Variants in TAB2 observed in about 807,000 individuals in gnomAD.
The protein encoded by TAB2 is TGF-beta-activated kinase 1 and MAP3K7-binding protein 2.
TAB2 carries 3 observed loss-of-function variants against 65.0 expected under a neutral mutation model. That is an observed-to-expected ratio of 0.05 (90% CI 0.02 to 0.12). The LOEUF is 0.12. TAB2 is among the 10% of genes least tolerant of loss of function. The pLI is 1.00. For missense variants in TAB2, 623 were observed against 840.3 expected (o/e 0.74, Z 3.20); for synonymous variants, 298 against 285.1 (o/e 1.05, Z -0.46).
At chr6:149,400,939 A>G (rs1010019502) in intron 6 of TAB2, 2 of 438,750 alleles carry the variant, frequency 4.6e-6, no homozygotes, top group African/African-American at 4.0e-5. Context: ...ACAGGATGGG[A>G]AAAAATACTG....
At chr6:149,240,518 T>G (rs1777578033) in intron 1 of TAB2, among the ~76,000 whole-genome samples, 1 of 152,228 alleles carries the variant, frequency 6.6e-6, no homozygotes, top group South Asian at 2.1e-4. Flanking sequence ...TGGATCAGAA[T>G]GTTCTGTAAA....
chr6:149,272,360 G>A (rs1271009445), intron 1 of TAB2, among the ~76,000 whole-genome samples: 1 of 152,178 alleles, frequency 6.6e-6, no homozygotes, highest in Non-Finnish European at 1.5e-5. Flanking sequence ...CAGTTCTGGA[G>A]GTCAGAAGTC....
chr6:149,354,833 A>G (rs1304174957), intron 1 of TAB2, among the ~76,000 whole-genome samples: 1 of 152,170 alleles, frequency 6.6e-6, no homozygotes, highest in Non-Finnish European at 1.5e-5. Context: ...GAATGACCAT[A>G]GTTTACACAT....
chr6:149,217,955 AG>A (rs1777057984), upstream of TAB2: 3 of 152,100 alleles, frequency 2.0e-5, no homozygotes, highest in South Asian at 6.2e-4. Context: ...TTAAGTATGG[AG>A]GCAAAAGCTG....
chr6:149,291,265 G>A (rs899413346), intron 1 of TAB2: 1 of 152,214 alleles, frequency 6.6e-6, no homozygotes, highest in African/African-American at 2.4e-5. Flanking sequence ...ACTACAACAT[G>A]AAAGAGTTCA....
In TAB2 at chr6:149,396,894, A is replaced by C. The variant is rs543203326; in HGVS notation, c.1604-710A>C. 4.5e-4 allele frequency among the ~76,000 whole-genome samples: 69 copies of C among 152,364 alleles called. No homozygotes were observed. In the Middle Eastern group the frequency reaches 0.014, roughly 30 times the overall value. Reference sequence around the variant, plus strand: ...TTCTACATTCCCTTCTAAAATATCTATAACATTTTCATATTAGAATGCTTC... The same window carrying C: ...TTCTACATTCCCTTCTAAAATATCTCTAACATTTTCATATTAGAATGCTTC... On this transcript the variant is annotated intron_variant, in intron 3 of 6. Coordinates refer to ENST00000637181, the MANE Select transcript of TAB2 (RefSeq NM_001292034.3).
rs1778721051 is a variant in TAB2, at chr6:149,288,734, T to C, written c.-121+69958T>C. 2.0e-5 allele frequency among the ~76,000 whole-genome samples: 3 copies of C among 152,216 alleles called. 1 individual carries two copies. In the South Asian group the frequency reaches 6.2e-4, roughly 32 times the overall value. On this transcript the variant is annotated intron_variant, in intron 1 of 1. Transcript: ENST00000606202. ...TATAATCATATTCTGCTGAGTCACTTGAACTAACATTAGTTCTTTGTAAGA... is the reference window on the plus strand; with the variant it reads ...TATAATCATATTCTGCTGAGTCACTCGAACTAACATTAGTTCTTTGTAAGA...
chr6:149,229,049 A>G (rs1305540856), intron 1 of TAB2, among the ~76,000 whole-genome samples: 2 of 152,252 alleles, frequency 1.3e-5, no homozygotes, highest in African/African-American at 4.8e-5. Flanking sequence ...AAAGAGTGAC[A>G]CTCACAATAA....
chr6:149,308,650 TC>T (rs1323773241), intron 1 of TAB2, among the ~76,000 whole-genome samples: 4 of 152,032 alleles, frequency 2.6e-5, no homozygotes, highest in African/African-American at 7.2e-5. Flanking sequence ...TGCCTCAGCC[TC>T]CCGAGTAGCT....
intron 1 of TAB2, among the ~76,000 whole-genome samples, chr6:149,297,779 C>A (rs1220258990): frequency 6.6e-6 from 1 of 152,098 alleles, no homozygotes; most frequent in Non-Finnish European, 1.5e-5. Context: ...GTGGTCCTCC[C>A]ACCTCAGCCT....
upstream of TAB2, among the ~76,000 whole-genome samples, chr6:149,314,182 T>A (rs1008062334): frequency 3.3e-5 from 5 of 152,252 alleles, no homozygotes; most frequent in African/African-American, 1.2e-4. Context: ...GACCACACTA[T>A]ATTAACTCTT....
intron 2 of TAB2, among the ~76,000 whole-genome samples, chr6:149,374,215 G>A (rs1781326980): frequency 6.6e-6 from 1 of 152,170 alleles, no homozygotes; most frequent in Non-Finnish European, 1.5e-5. Context: ...GAATGAAGAT[G>A]AAATCCATTT....
chr6:149,237,641 G>A (rs575411792), intron 1 of TAB2, among the ~76,000 whole-genome samples: 3 of 152,236 alleles, frequency 2.0e-5, no homozygotes, highest in East Asian at 3.9e-4. Context: ...TCCTCTAGGC[G>A]GCCTCACCTC....
At chr6:149,317,045 G>A (rs1455180931), upstream of TAB2, among the ~76,000 whole-genome samples, 1 of 150,196 alleles carries the variant, frequency 6.7e-6, no homozygotes, top group Non-Finnish European at 1.5e-5. The surrounding 1 kb of genome is among the most constrained non-coding windows in gnomAD (Gnocchi z 4.7). Flanking sequence ...CCGGGGTCCG[G>A]CCGGGCCCCC....
At chr6:149,332,012 A>C (rs1184941029) in intron 1 of TAB2, among the ~76,000 whole-genome samples, 2 of 152,176 alleles carry the variant, frequency 1.3e-5, no homozygotes, top group African/African-American at 4.8e-5. Context: ...TCTGTGTGGG[A>C]AGGAATTGCT....
chr6:149,403,267 T>TAC (rs1346697761), intron 6 of TAB2, among the ~76,000 whole-genome samples: 1 of 48,484 alleles, frequency 2.1e-5, no homozygotes, highest in African/African-American at 1.2e-4. Flanking sequence ...TATATATATA[T>TAC]ATATATATAT....
intron 1 of TAB2, among the ~76,000 whole-genome samples, chr6:149,249,027 A>G (rs1304935077): frequency 6.8e-6 from 1 of 146,620 alleles, no homozygotes; most frequent in Non-Finnish European, 1.5e-5. Flanking sequence ...TGCTTGCAAG[A>G]TTCCTTCCTA....
chr6:149,363,908 T>C (rs1780947667), intron 1 of TAB2, among the ~76,000 whole-genome samples: 1 of 152,200 alleles, frequency 6.6e-6, no homozygotes, highest in Admixed American at 6.5e-5. Context: ...TTTGTGCTCT[T>C]TGATTTTTCC....
At chr6:149,374,125 T>C (rs558213033) in intron 2 of TAB2, among the ~76,000 whole-genome samples, 1 of 152,308 alleles carries the variant, frequency 6.6e-6, no homozygotes, top group East Asian at 1.9e-4. Flanking sequence ...GTGAAAAGAA[T>C]TTTTTTATCC....
Sources: gnomAD v4.1 joint callset for allele counts (sites outside exome capture counted in the v4.1 genomes callset) on GRCh38, gnomAD v4.1.1 for gene constraint, Gnocchi (gnomAD v3.1) non-coding constraint, MANE v1.5 for transcripts, NCBI Gene and HGNC (gene_info 2026-07-23, HGNC 2026-07-21) for gene names.